AUH: variants seen among roughly 807,000 people sequenced by gnomAD.
AUH encodes the protein methylglutaconyl-CoA hydratase, mitochondrial.
A neutral mutation model predicts 42.3 loss-of-function variants in AUH; 29 were observed. That is an observed-to-expected ratio of 0.69 (90% confidence interval 0.51 to 0.93). The LOEUF (loss-of-function observed/expected upper bound fraction) is 0.93, where lower values mean the gene tolerates loss of function less well. Among genes scored for constraint, AUH ranks in the 40% least tolerant of loss-of-function variants. The probability of loss-of-function intolerance (pLI) is 0.00; values close to 1 mark genes in which losing one functional copy is unlikely to be tolerated. For synonymous variants in AUH, 174 were observed against 166.4 expected (o/e 1.05, Z -0.35); for missense variants, 452 against 438.1 (o/e 1.03, Z -0.28).
intron 4 of AUH, among the ~76,000 whole-genome samples, chr9:91,303,381 A>G (rs1015192121): frequency 2.2e-4 from 33 of 152,104 alleles, no homozygotes; most frequent in Middle Eastern, 3.2e-3. Context: ...CCCAGGCTAG[A>G]GTGCAGTGGC....
Position 91,361,853 on chromosome 9 carries a change from C to A in AUH, c.37G>T (p.Gly13Ter), listed in dbSNP as rs1204876765. The A allele has an allele frequency of 1.3e-6, 2 of 1,486,634 alleles. No individual in the cohort carries two copies. The highest frequency in any genetic ancestry group is 1.8e-6 in the Non-Finnish European group (2 of 1,124,706). The allele number at this position is 1,486,634 out of a possible 1,614,324, so 92.1% of individuals were successfully genotyped here. Residue 13 changes from glycine (G) to a stop codon, truncating the protein, a stop_gained, in exon 1 of 10, where the codon GGA becomes TGA. Transcript: ENST00000375731. LOFTEE classifies it high-confidence loss of function. The part of the protein sequence containing the change: ...AAVAAAPGAL[G>*]SLHAGGARLV... ...CGGGCGCCGCCAGCATGCAGGGATCCCAAGGCCCCAGGTGCCGCCGCCACC... is the reference window on the plus strand; with the variant it reads ...CGGGCGCCGCCAGCATGCAGGGATCACAAGGCCCCAGGTGCCGCCGCCACC...
intron 4 of AUH, among the ~76,000 whole-genome samples, chr9:91,318,490 GGAT>G (rs1331897984): frequency 6.6e-6 from 1 of 152,152 alleles, no homozygotes; most frequent in Non-Finnish European, 1.5e-5. Context: ...GTATTTACCT[GGAT>G]GTTTGTTAAG....
chr9:91,314,017 G>C (rs563990546), intron 4 of AUH, among the ~76,000 whole-genome samples: 1 of 151,750 alleles, frequency 6.6e-6, no homozygotes, highest in African/African-American at 2.4e-5. Context: ...AGAGATGGGG[G>C]TTCACCATGT....
At chr9:91,326,004 G>T (rs555684793) in intron 3 of AUH, among the ~76,000 whole-genome samples, 1 of 152,158 alleles carries the variant, frequency 6.6e-6, no homozygotes, top group Non-Finnish European at 1.5e-5. Context: ...TCATAATTAT[G>T]ACTTTAGCAC....
chr9:91,354,194 C>G (rs1324678282), intron 3 of AUH, among the ~76,000 whole-genome samples: 2 of 151,974 alleles, frequency 1.3e-5, no homozygotes, highest in Non-Finnish European at 2.9e-5. Flanking sequence ...AAAGGAAAAC[C>G]TTTCGGAGAA....
chr9:91,235,304 G>A (rs568629481), intron 6 of AUH, among the ~76,000 whole-genome samples: 1 of 152,140 alleles, frequency 6.6e-6, no homozygotes, highest in African/African-American at 2.4e-5. Flanking sequence ...AAGGTAGGGA[G>A]AGAGATGTGG....
intron 3 of AUH, among the ~76,000 whole-genome samples, chr9:91,352,411 C>T (rs1161493292): frequency 6.6e-6 from 1 of 151,518 alleles, no homozygotes; most frequent in East Asian, 1.9e-4. Flanking sequence ...AATACTAGGA[C>T]AAAAATAATA....
chr9:91,356,763 T>A (rs1014388101), intron 1 of AUH, among the ~76,000 whole-genome samples: 1 of 152,174 alleles, frequency 6.6e-6, no homozygotes, highest in African/African-American at 2.4e-5. Flanking sequence ...CAGTTACCAA[T>A]TTTCTAAAAA....
intron 6 of AUH, among the ~76,000 whole-genome samples, chr9:91,271,488 T>G (rs1825118293): frequency 6.6e-6 from 1 of 152,256 alleles, no homozygotes; most frequent in Non-Finnish European, 1.5e-5. Context: ...TGCTTCTGCT[T>G]AGTTTTCTTT....
intron 6 of AUH, among the ~76,000 whole-genome samples, chr9:91,265,109 C>T (rs995810593): frequency 6.6e-6 from 1 of 152,100 alleles, no homozygotes; most frequent in South Asian, 2.1e-4. Flanking sequence ...ATTAACTGTT[C>T]TGGCTTTCAG....
intron 3 of AUH, among the ~76,000 whole-genome samples, chr9:91,345,612 TCA>T (rs1831439811): frequency 2.0e-5 from 3 of 151,956 alleles, no homozygotes; most frequent in African/African-American, 7.3e-5. Flanking sequence ...GGCAGGTGGA[TCA>T]CGAGATCAGG....
chr9:91,345,009 G>GA (rs140331417), intron 3 of AUH, among the ~76,000 whole-genome samples: 76 of 143,914 alleles, frequency 5.3e-4, no homozygotes, highest in East Asian at 1.2e-3. Flanking sequence ...ACATGTTCAT[G>GA]AAAAAAAAAA....
In AUH at chr9:91,279,165, A is replaced by C. The variant is rs558848369; in HGVS notation, c.655+16856T>G. Reference sequence around the variant, plus strand: ...TTAAAAATGAAGAAAAATTATCGCAAACAACCATTAAGTAACAACAAAAAT... The same window carrying C: ...TTAAAAATGAAGAAAAATTATCGCACACAACCATTAAGTAACAACAAAAAT... On this transcript the variant is annotated intron_variant, in intron 6 of 9. Coordinates refer to ENST00000375731, the MANE Select transcript of AUH (RefSeq NM_001698.3). Among the ~76,000 whole-genome samples, 21 of 152,340 alleles carry C rather than the reference A, an allele frequency of 1.4e-4. No individual in the cohort carries two copies. The South Asian group carries it at 4.3e-3, about 32-fold the overall frequency.
At chr9:91,223,735 T>C (rs1248880658) in intron 6 of AUH, among the ~76,000 whole-genome samples, 1 of 145,656 alleles carries the variant, frequency 6.9e-6, no homozygotes, top group Admixed American at 6.8e-5. Context: ...ACACTTACTA[T>C]TTTTTTTTAT....
At chr9:91,279,437 A>G (rs1334552889) in intron 6 of AUH, among the ~76,000 whole-genome samples, 1 of 152,196 alleles carries the variant, frequency 6.6e-6, no homozygotes, top group Non-Finnish European at 1.5e-5. Flanking sequence ...TAATTTATAA[A>G]GAAAAGAGGT....
In AUH at chr9:91,280,763, G is replaced by A. The variant is rs142151654; in HGVS notation, c.655+15258C>T. Among the ~76,000 whole-genome samples, 24 of 152,236 alleles carry A rather than the reference G, an allele frequency of 1.6e-4. No homozygotes were observed. In the East Asian group the frequency reaches 3.9e-3, roughly 24 times the overall value. ...GGCTAGGCCCCTTGGTCTTACACTC[G>A]AGAGAACAAGAGATGAGCTTCAAAA... On this transcript the variant is annotated intron_variant, in intron 6 of 9. Coordinates refer to ENST00000375731, the MANE Select transcript of AUH (RefSeq NM_001698.3).
At chr9:91,358,964 A>G (rs552544941) in intron 1 of AUH, among the ~76,000 whole-genome samples, 1 of 152,294 alleles carries the variant, frequency 6.6e-6, no homozygotes, top group South Asian at 2.1e-4. Flanking sequence ...TTAATTCACA[A>G]TTCAATCACT....
chr9:91,292,525 C>T (rs1433969372), intron 6 of AUH, among the ~76,000 whole-genome samples: 1 of 151,838 alleles, frequency 6.6e-6, no homozygotes, highest in East Asian at 1.9e-4. Flanking sequence ...GTGATCCACC[C>T]GCCTCGGCCT....
At chr9:91,243,052 G>A (rs1828606514) in intron 6 of AUH, among the ~76,000 whole-genome samples, 1 of 152,154 alleles carries the variant, frequency 6.6e-6, no homozygotes, top group Non-Finnish European at 1.5e-5. Context: ...CTCTTATAAT[G>A]TTTCAAAGAA....
Sources: gnomAD v4.1 joint callset for allele counts (sites outside exome capture counted in the v4.1 genomes callset) on GRCh38, gnomAD v4.1.1 for gene constraint, MANE v1.5 for transcripts, NCBI Gene and HGNC (gene_info 2026-07-23, HGNC 2026-07-21) for gene names.